Variants in SLC40A1 observed in about 807,000 individuals in gnomAD.
SLC40A1 encodes the protein solute carrier family 40 member 1, also known as ferroportin.
A neutral mutation model predicts 53.5 loss-of-function variants in SLC40A1; 16 were observed. The observed-to-expected ratio is 0.30, with a 90% CI of 0.20 to 0.45. SLC40A1 has a LOEUF of 0.45. Ranked by LOEUF, SLC40A1 falls within the 20% of genes least tolerant of loss-of-function variation. The pLI is 1.00. For missense variants in SLC40A1, 545 were observed against 695.4 expected, an observed-to-expected ratio of 0.78 and a Z score of 2.43; for synonymous variants, 247 against 253.2, an observed-to-expected ratio of 0.98 and a Z score of 0.23.
Position 189,565,618 on chromosome 2 carries a change from G to A in SLC40A1, c.515-19C>T. The A allele has an allele frequency of 6.2e-7, 1 of 1,614,146 alleles. No individual in the cohort carries two copies. The highest frequency in any genetic ancestry group is 8.5e-7 in the Non-Finnish European group (1 of 1,180,038). On this transcript the variant is annotated intron_variant, in intron 5 of 7. Transcript: ENST00000261024. ...TTCATATCTAGAGAGGCAGGTGAAA[G>A]AGGCAGGTAAGTGTGCAAACCCATC...
chr2:189,580,343 G>C, intron 1 of SLC40A1, 75 bp downstream of exon 1: 3 of 1,420,492 alleles, frequency 2.1e-6, no homozygotes, highest in Non-Finnish European at 3.0e-6. Context: ...CATTCCTCCA[G>C]AACTCGTGTA....
intron 3 of SLC40A1, among the ~76,000 whole-genome samples, chr2:189,574,323 C>G (rs1366659630): frequency 6.6e-6 from 1 of 152,118 alleles, no homozygotes; most frequent in Non-Finnish European, 1.5e-5. Flanking sequence ...GTGTTCTGGT[C>G]TACTCATTCT....
chr2:189,566,702 T>C (rs995550593), intron 5 of SLC40A1, among the ~76,000 whole-genome samples: 1 of 152,120 alleles, frequency 6.6e-6, no homozygotes, highest in African/African-American at 2.4e-5. Context: ...AGAGACATGA[T>C]GGTGGAATCA....
chr2:189,563,258 G>C (rs549764531), intron 7 of SLC40A1, among the ~76,000 whole-genome samples: 1 of 142,796 alleles, frequency 7.0e-6, no homozygotes, highest in South Asian at 2.2e-4. Context: ...CTGGGTAACA[G>C]AGCAAGACCC....
Position 189,580,321 on chromosome 2 carries a change from A to G in SLC40A1, c.43+97T>C, listed in dbSNP as rs1052387027. On this transcript the variant is annotated intron_variant, in intron 1 of 7. Coordinates refer to ENST00000261024, the MANE Select transcript of SLC40A1 (RefSeq NM_014585.6). ...GGATCTTTTTACAAAGCTATGGTTC[A>G]CAGCAGAGCCACATTCCTCCAGAAC... 8 of 1,226,318 alleles carry G rather than the reference A, an allele frequency of 6.5e-6. No individual in the cohort carries two copies. The Admixed American group carries it at 8.4e-5, about 13-fold the overall frequency. The allele number at this position is 1,226,318 out of a possible 1,614,324, so 76.0% of individuals were successfully genotyped here. A position where few individuals can be genotyped will look rare whatever the true frequency, so the allele number is the denominator to read the frequency against.
intron 4 of SLC40A1, 84 bp downstream of exon 4, chr2:189,572,762 A>C (rs570437304): frequency 1.0e-6 from 1 of 998,708 alleles, no homozygotes; most frequent in East Asian, 2.4e-5. Context: ...TGGCCAAAAA[A>C]AAAAATAGCT....
Position 189,563,682 on chromosome 2 carries a change from C to A in SLC40A1, c.1304G>T (p.Gly435Val). Reference sequence around the variant, plus strand: ...CGGGACAATATTAGCAGAATTAGACCCATTAGACATGTATATTTCAGTTGT... The same window carrying A: ...CGGGACAATATTAGCAGAATTAGACACATTAGACATGTATATTTCAGTTGT... ...EITTEIYMSN[G>V]SNSANIVPET... is the part of the protein sequence containing the mutation. Residue 435 changes from glycine to valine, a missense_variant, in exon 7 of 8, where the codon GGG (glycine) becomes GTG (valine). By Grantham distance (109) the Gly-to-Val change is moderately radical. Transcript: ENST00000261024. 6.2e-7 allele frequency: 1 copy of A among 1,613,952 alleles called. No homozygotes were observed. Among genetic ancestry groups the A allele is most frequent in the Non-Finnish European group, 8.5e-7 (1 of 1,179,884 alleles).
At chr2:189,566,039 T>C (rs920937271) in intron 5 of SLC40A1, among the ~76,000 whole-genome samples, 12 of 152,222 alleles carry the variant, frequency 7.9e-5, no homozygotes, top group African/African-American at 2.2e-4. Context: ...TGTGTGTGTG[T>C]GCGTGTGTGT....
chr2:189,571,898 T>C, intron 4 of SLC40A1, 57 bp from the exon 5 acceptor site: 2 of 1,104,042 alleles, frequency 1.8e-6, no homozygotes, highest in South Asian at 1.2e-5. Context: ...ACTGTACATA[T>C]GTCACTAAAC....
chr2:189,570,043 T>C (rs1223469295), intron 5 of SLC40A1, among the ~76,000 whole-genome samples: 2 of 126,102 alleles, frequency 1.6e-5, no homozygotes, highest in African/African-American at 2.9e-5. Flanking sequence ...TATATATATA[T>C]ACACACACCT....
rs2030833955 is a variant in SLC40A1 at position 189,563,746 on chromosome 2, G to A, written c.1240C>T (p.Gln414Ter). 6.2e-7 allele frequency: 1 copy of A among 1,614,030 alleles called. No homozygotes were observed. The highest frequency in any genetic ancestry group is 1.7e-5 in the Admixed American group (1 of 59,992). ...TTGGTAGGTGTAATTGACTCTCCTT[G>A]AATGAACCTTGATCGGATATCTTCA... ...PFEDIRSRFI[Q>*]GESITPTKIP... The change falls in exon 7 of 8, where the codon CAA (glutamine) becomes TAA (stop). Residue 414 changes from glutamine (Q) to a stop codon, truncating the protein, a stop_gained. Transcript: ENST00000261024. LOFTEE classifies it high-confidence loss of function.
Position 189,575,188 on chromosome 2 carries a change from A to C in SLC40A1, c.244T>G (p.Trp82Gly), listed in dbSNP as rs1389213679. The change falls in exon 3 of 8, where the codon TGG becomes GGG. Residue 82 changes from tryptophan to glycine, a missense_variant. Trp to Gly is a radical substitution (Grantham distance 184). Around this residue, in one of 4 missense-constraint regions of SLC40A1, gnomAD observed 197 missense variants for 278.8 expected, o/e 0.71. Coordinates refer to ENST00000261024, the MANE Select transcript of SLC40A1 (RefSeq NM_014585.6). Reference protein sequence around the residue: ...VLVLGAIIGDWVDKNARLKVA... With the variant: ...VLVLGAIIGDGVDKNARLKVA... ...TTAAGTCTAGCATTCTTGTCCACCC[A>C]GTCACCGATGATGGCTCCCAGGACC... 3.7e-6 allele frequency: 6 copies of C among 1,614,154 alleles called. No homozygotes were observed. The highest frequency in any genetic ancestry group is 5.1e-6 in the Non-Finnish European group (6 of 1,179,970).
At position 189,579,826 on chromosome 2, in the gene SLC40A1, G is replaced by A; in HGVS notation, c.98C>T (p.Ser33Phe). 6.2e-7 allele frequency: 1 copy of A among 1,614,068 alleles called. No homozygotes were observed. Among genetic ancestry groups the A allele is most frequent in the Non-Finnish European group, 8.5e-7 (1 of 1,179,920 alleles). ...SAKFLLYLGH[S>F]LSTWGDRMWH... ...ATTCTCACTTACCCAAGTAGAGAGAGAATGACCAAGGTAGAGAAGGAATTT... is the reference window on the plus strand; with the variant it reads ...ATTCTCACTTACCCAAGTAGAGAGAAAATGACCAAGGTAGAGAAGGAATTT... The change falls in exon 2 of 8, where the codon TCT (serine) becomes TTT (phenylalanine). Residue 33 changes from serine to phenylalanine, a missense_variant. Physicochemically the swap from Ser to Phe is radical, Grantham distance 155 (BLOSUM62 -2). Coordinates refer to ENST00000261024, the MANE Select transcript of SLC40A1 (RefSeq NM_014585.6).
chr2:189,579,178 A>C (rs564874474), intron 2 of SLC40A1, among the ~76,000 whole-genome samples: 5 of 152,190 alleles, frequency 3.3e-5, no homozygotes, highest in Non-Finnish European at 7.3e-5. Context: ...AGAAAGTCAG[A>C]GGGAAAACTG....
In SLC40A1 at chr2:189,580,778, G is replaced by GCCA; in HGVS notation, c.-319_-318insTGG. ...CCCTGAGCCAGCTCTCTCCGCCGCC[G>GCCA]CCGCCGCCGCCGTGGGCCGGGCCCA... On this transcript the variant is annotated 5_prime_UTR_variant, in exon 1 of 8. Transcript: ENST00000261024. 7.8e-7 allele frequency: 1 copy of GCCA among 1,275,198 alleles called. No homozygotes were observed. The highest frequency in any genetic ancestry group is 3.2e-4 in the Middle Eastern group (1 of 3,164). 79.0% of individuals were successfully genotyped at this position (1,275,198 alleles called of 1,614,324 possible).
intron 2 of SLC40A1, among the ~76,000 whole-genome samples, chr2:189,579,535 AT>A: frequency 6.6e-6 from 1 of 152,374 alleles, no homozygotes; most frequent in East Asian, 1.9e-4. Flanking sequence ...GCAACATAAA[AT>A]TTAAAAACAA....
At chr2:189,564,456 T>TC (rs1491501979) in intron 6 of SLC40A1, among the ~76,000 whole-genome samples, 1 of 145,952 alleles carries the variant, frequency 6.9e-6, no homozygotes, top group Admixed American at 6.7e-5. Flanking sequence ...CTCTTTTTTT[T>TC]CTCTCTCTCT....
At chr2:189,570,034 A>G (rs575975235) in intron 5 of SLC40A1, among the ~76,000 whole-genome samples, 34 of 137,750 alleles carry the variant, frequency 2.5e-4, no homozygotes, top group Middle Eastern at 3.9e-3. Flanking sequence ...ATATGTATGT[A>G]TATATATATA....
In SLC40A1 at chr2:189,561,732, G is replaced by A; in HGVS notation, c.*146C>T. 1.4e-6 allele frequency: 1 copy of A among 692,700 alleles called. No homozygotes were observed. Among genetic ancestry groups the A allele is most frequent in the Non-Finnish European group, 2.5e-6 (1 of 406,164 alleles). The allele number at this position is 692,700 out of a possible 1,614,324, so 42.9% of individuals were successfully genotyped here. On this transcript the variant is annotated 3_prime_UTR_variant, in exon 8 of 8. Coordinates refer to ENST00000261024, the MANE Select transcript of SLC40A1 (RefSeq NM_014585.6). ...TAATCAGTTAATTTCTGCTGACTTAGGTTTCCTAAACAGCTTTTAGTTCTC... is the reference window on the plus strand; with the variant it reads ...TAATCAGTTAATTTCTGCTGACTTAAGTTTCCTAAACAGCTTTTAGTTCTC...
Sources: allele counts gnomAD v4.1 joint callset (sites outside exome capture counted in the v4.1 genomes callset), GRCh38; gene constraint gnomAD v4.1.1; regional missense constraint gnomAD v4.1.1; transcripts MANE v1.5; gene names NCBI Gene and HGNC (gene_info 2026-07-23, HGNC 2026-07-21).